CDC42BPA: variants seen among roughly 807,000 people sequenced by gnomAD.
CDC42BPA encodes CDC42 binding protein kinase alpha, also known as serine/threonine-protein kinase MRCK alpha.
Under a neutral mutation model 223.5 loss-of-function variants are expected in CDC42BPA, and 80 were observed. That is an observed-to-expected ratio of 0.36 (90% CI 0.30 to 0.43). The LOEUF is 0.43. Ranked by LOEUF, CDC42BPA falls within the 20% of genes least tolerant of loss-of-function variation. The probability of loss-of-function intolerance (pLI) is 1.00; values close to 1 mark genes in which losing one functional copy is unlikely to be tolerated. For missense variants in CDC42BPA, 1,743 were observed against 2,099.9 expected, an observed-to-expected ratio of 0.83 and a Z score of 3.32; for synonymous variants, 694 against 718.6, an observed-to-expected ratio of 0.97 and a Z score of 0.55.
intron 5 of CDC42BPA, among the ~76,000 whole-genome samples, chr1:227,193,162 G>A (rs10799403): frequency 0.69 from 100,400 of 146,212 alleles, 34,371 homozygotes; most frequent in South Asian, 0.74. Flanking sequence ...TCCGCCTCCC[G>A]GGTTCACGCC....
intron 2 of CDC42BPA, among the ~76,000 whole-genome samples, chr1:227,239,507 T>G (rs998989282): frequency 1.3e-5 from 2 of 152,144 alleles, no homozygotes; most frequent in African/African-American, 4.8e-5. Context: ...GAAGATTGGG[T>G]AAGTGTGGGA....
intron 1 of CDC42BPA, among the ~76,000 whole-genome samples, chr1:227,268,643 AG>A (rs1187350626): frequency 6.9e-6 from 1 of 143,972 alleles, no homozygotes; most frequent in Non-Finnish European, 1.5e-5. Flanking sequence ...GTATATATAT[AG>A]TGTGTGTGTA....
chr1:227,049,271 G>C (rs1417165560), intron 22 of CDC42BPA, among the ~76,000 whole-genome samples: 1 of 146,754 alleles, frequency 6.8e-6, no homozygotes, highest in Non-Finnish European at 1.5e-5. Context: ...ACAAGATCTA[G>C]AGTTTATAAA....
chr1:227,100,075 T>G (rs1356569083), intron 15 of CDC42BPA, among the ~76,000 whole-genome samples: 1 of 152,120 alleles, frequency 6.6e-6, no homozygotes, highest in African/African-American at 2.4e-5. Context: ...AGAATGACAA[T>G]AACATATATT....
At chr1:227,272,200 A>G (rs1686069163) in intron 1 of CDC42BPA, among the ~76,000 whole-genome samples, 1 of 152,186 alleles carries the variant, frequency 6.6e-6, no homozygotes, top group Admixed American at 6.5e-5. Flanking sequence ...AAACATTTAA[A>G]AAGAAATATT....
At chr1:227,056,835 T>A (rs151074081) in intron 21 of CDC42BPA, among the ~76,000 whole-genome samples, 86 of 152,336 alleles carry the variant, frequency 5.6e-4, no homozygotes, top group African/African-American at 2.0e-3. Flanking sequence ...ATTGAACTTA[T>A]GATACAAAAA....
intron 3 of CDC42BPA, among the ~76,000 whole-genome samples, chr1:227,212,533 C>G (rs941927976): frequency 2.0e-5 from 3 of 152,068 alleles, no homozygotes; most frequent in South Asian, 2.1e-4. Flanking sequence ...GCGGACCCCC[C>G]AGAAGTCCAC....
intron 11 of CDC42BPA, among the ~76,000 whole-genome samples, chr1:227,125,274 C>T (rs1000168354): frequency 1.3e-5 from 2 of 151,736 alleles, no homozygotes; most frequent in East Asian, 3.9e-4. Flanking sequence ...GATTTCCAAC[C>T]TCATGAGGCT....
At chr1:227,294,145 A>G (rs1214370078) in intron 1 of CDC42BPA, among the ~76,000 whole-genome samples, 1 of 151,208 alleles carries the variant, frequency 6.6e-6, no homozygotes, top group Non-Finnish European at 1.5e-5. Context: ...GGTGGCAGGC[A>G]CCTGTAGTCC....
intron 2 of CDC42BPA, among the ~76,000 whole-genome samples, chr1:227,248,498 A>C (rs2148205543): frequency 6.6e-6 from 1 of 152,310 alleles, no homozygotes; most frequent in Admixed American, 6.5e-5. Context: ...AAATGAAAAA[A>C]GTAATCCCAT....
At chr1:227,046,359 G>A (rs932889136) in intron 23 of CDC42BPA, among the ~76,000 whole-genome samples, 2 of 152,034 alleles carry the variant, frequency 1.3e-5, no homozygotes, top group Non-Finnish European at 2.9e-5. Context: ...CAAGCAGAGT[G>A]GGGAGGAGGA....
chr1:227,144,056 G>A (rs544899596), intron 8 of CDC42BPA, among the ~76,000 whole-genome samples: 16 of 152,248 alleles, frequency 1.1e-4, no homozygotes, highest in African/African-American at 3.6e-4. Flanking sequence ...ACAGTACTAG[G>A]ATGGTTTTAC....
At chr1:227,302,052 GCA>G (rs1477917917) in intron 1 of CDC42BPA, among the ~76,000 whole-genome samples, 4 of 152,078 alleles carry the variant, frequency 2.6e-5, no homozygotes, top group Non-Finnish European at 5.9e-5. Flanking sequence ...CTTCTGAACT[GCA>G]TCCTGTCTGT....
chr1:227,196,236 C>CT (rs1318614648), intron 4 of CDC42BPA, among the ~76,000 whole-genome samples: 1 of 151,082 alleles, frequency 6.6e-6, no homozygotes, highest in Non-Finnish European at 1.5e-5. Context: ...TCAGGAAACT[C>CT]TTTTAATTCT....
At chr1:227,193,957 G>A (rs777656194) in intron 4 of CDC42BPA, 23 bp from the exon 5 acceptor site, 12 of 1,572,360 alleles carry the variant, frequency 7.6e-6, no homozygotes, top group Non-Finnish European at 1.0e-5. Context: ...AAAATAAAAT[G>A]TACTCAGTAA....
At chr1:227,316,451 G>A (rs1466053432) in intron 1 of CDC42BPA, among the ~76,000 whole-genome samples, 1 of 152,114 alleles carries the variant, frequency 6.6e-6, no homozygotes, top group Admixed American at 6.5e-5. Flanking sequence ...TTTAAACTAT[G>A]TCATTTAATC....
rs1683145151 is a variant in CDC42BPA at position 227,091,947 on chromosome 1, T to C, written c.2294A>G (p.Tyr765Cys). 1.2e-6 allele frequency: 2 copies of C among 1,609,150 alleles called. No homozygotes were observed. The highest frequency in any genetic ancestry group is 1.1e-5 in the South Asian group (1 of 89,840). The change falls in exon 16 of 37, where the codon TAT (tyrosine) becomes TGT (cysteine). Residue 765 changes from tyrosine to cysteine, a missense_variant. This residue lies in a region of CDC42BPA where 464 missense variants were observed against 488.0 expected (regional missense o/e 0.95). Transcript: ENST00000366766. ...AGTTAACAACACTTTTTCTCGTTCA[T>C]ATTGTTGTTTGAACTCACTTTCAAA... is the stretch of plus-strand genomic sequence containing the variant. ...EEFESEFKQQ[Y>C]EREKVLLTEE...
At chr1:227,025,987 A>ACC in intron 31 of CDC42BPA, 68 bp downstream of exon 31, 2 of 802,808 alleles carry the variant, frequency 2.5e-6, no homozygotes, top group Non-Finnish European at 4.1e-6. Context: ...AAAAAAAATT[A>ACC]CTATGTAGTA....
At chr1:227,012,811 GATAC>G (rs753872126) in intron 34 of CDC42BPA, among the ~76,000 whole-genome samples, 4 of 151,974 alleles carry the variant, frequency 2.6e-5, no homozygotes, top group Non-Finnish European at 5.9e-5. Context: ...CTTTTCAATA[GATAC>G]ATACACAAGT....
Sources: gnomAD v4.1 joint callset for allele counts (sites outside exome capture counted in the v4.1 genomes callset) on GRCh38, gnomAD v4.1.1 for gene constraint, gnomAD v4.1.1 regional missense constraint, MANE v1.5 for transcripts, NCBI Gene and HGNC (gene_info 2026-07-23, HGNC 2026-07-21) for gene names.